Variants in ARHGEF3 observed in about 807,000 individuals in gnomAD.
ARHGEF3 encodes the protein 59.8 kDA protein.
In ARHGEF3, 28 loss-of-function variants were observed where a neutral mutation model predicts 63.2. The observed-to-expected ratio is 0.44, with a 90% CI of 0.33 to 0.61. The LOEUF (loss-of-function observed/expected upper bound fraction) is 0.61. ARHGEF3 is among the 20% of genes least tolerant of loss of function. ARHGEF3 has a pLI of 0.03. For synonymous variants in ARHGEF3, 266 were observed against 254.2 expected (o/e 1.05, Z -0.44); for missense variants, 533 against 659.3 (o/e 0.81, Z 2.10).
chr3:56,909,908 A>C (rs920127761), intron 3 of ARHGEF3, among the ~76,000 whole-genome samples: 1 of 152,160 alleles, frequency 6.6e-6, no homozygotes, highest in African/African-American at 2.4e-5. Flanking sequence ...TGAAAGAGAC[A>C]GTGTACCAAC....
chr3:56,817,885 G>A (rs563261702), intron 4 of ARHGEF3, among the ~76,000 whole-genome samples: 1 of 152,318 alleles, frequency 6.6e-6, no homozygotes, highest in African/African-American at 2.4e-5. Context: ...CACACCATGG[G>A]CAAGTGGCTT....
At chr3:56,771,873 T>A (rs1203948614) in intron 2 of ARHGEF3, among the ~76,000 whole-genome samples, 2 of 151,978 alleles carry the variant, frequency 1.3e-5, no homozygotes, top group Non-Finnish European at 2.9e-5. Context: ...GAGGAAAGGG[T>A]GAAATGCAGT....
intron 1 of ARHGEF3, among the ~76,000 whole-genome samples, chr3:56,776,450 G>A (rs184748090): frequency 6.6e-5 from 10 of 152,300 alleles, no homozygotes; most frequent in Non-Finnish European, 1.3e-4. Context: ...GTAAGCAGGT[G>A]CAATTTCAAA....
chr3:57,000,780 G>A (rs1395678518), intron 2 of ARHGEF3, among the ~76,000 whole-genome samples: 8 of 152,070 alleles, frequency 5.3e-5, no homozygotes, highest in Admixed American at 3.9e-4. Context: ...TGATCCACCC[G>A]ACTCAGCCTC....
chr3:56,737,055 C>G (rs1463970120), intron 8 of ARHGEF3, 130 bp downstream of exon 8: 1 of 1,078,128 alleles, frequency 9.3e-7, no homozygotes, highest in African/African-American at 1.6e-5. Context: ...GCCTGGGTGA[C>G]AAAGCGAGAC....
chr3:56,802,118 G>A (rs998847358), upstream of ARHGEF3, among the ~76,000 whole-genome samples: 6 of 152,176 alleles, frequency 3.9e-5, no homozygotes. Context: ...GGGTGGAGAG[G>A]GACCTCTCTC....
intron 4 of ARHGEF3, among the ~76,000 whole-genome samples, chr3:56,824,281 T>C (rs1396747330): frequency 7.2e-5 from 11 of 152,216 alleles, no homozygotes; most frequent in Admixed American, 7.2e-4. Flanking sequence ...AATGGAGATT[T>C]TGTTGTGGTG....
chr3:57,049,923 T>C (rs553939251), intron 1 of ARHGEF3, among the ~76,000 whole-genome samples: 1 of 152,232 alleles, frequency 6.6e-6, no homozygotes, highest in South Asian at 2.1e-4. Context: ...ATAGTGAGGG[T>C]CAGGGATTGA....
chr3:57,054,794 G>A (rs1320968271), intron 1 of ARHGEF3, among the ~76,000 whole-genome samples: 1 of 151,736 alleles, frequency 6.6e-6, no homozygotes, highest in Admixed American at 6.6e-5. Flanking sequence ...GGGATTATAG[G>A]CATACGCCAC....
At chr3:56,779,528 T>C (rs760611683) in intron 1 of ARHGEF3, among the ~76,000 whole-genome samples, 4 of 152,182 alleles carry the variant, frequency 2.6e-5, no homozygotes, top group African/African-American at 4.8e-5. Flanking sequence ...AGTCTCGCTC[T>C]GTCGCGCAGG....
At chr3:56,863,423 C>T (rs148315918) in intron 4 of ARHGEF3, among the ~76,000 whole-genome samples, 170 of 152,238 alleles carry the variant, frequency 1.1e-3, no homozygotes, top group African/African-American at 3.6e-3. Context: ...CCTCAGCCTC[C>T]GGAGGAGCTG....
chr3:56,863,543 A>G (rs966056235), intron 4 of ARHGEF3, among the ~76,000 whole-genome samples: 3 of 151,176 alleles, frequency 2.0e-5, no homozygotes, highest in African/African-American at 7.3e-5. Context: ...CAAGCAATCC[A>G]CCCGCCTTGG....
chr3:56,983,912 G>A (rs1278704320), intron 2 of ARHGEF3, among the ~76,000 whole-genome samples: 1 of 143,278 alleles, frequency 7.0e-6, no homozygotes, highest in Non-Finnish European at 1.5e-5. Context: ...CTCCAGCCTA[G>A]TGACAGAGCG....
In ARHGEF3 at chr3:56,768,111, C is replaced by T. The variant is rs952073935; in HGVS notation, c.204+5598G>A. ...TCAGTCTGTCACCCAGGCTGGAGTA[C>T]AGTGGCGCAATCTCTGCTCGCTGTG... On this transcript the variant is annotated intron_variant, in intron 2 of 9. Transcript: ENST00000296315. Among the ~76,000 whole-genome samples, 3 of 152,088 alleles carry T rather than the reference C, an allele frequency of 2.0e-5. No homozygotes were observed. The East Asian group carries it at 5.8e-4, about 29-fold the overall frequency.
Position 56,895,082 on chromosome 3 carries a change from ACCTC to A in ARHGEF3, c.130-12732_130-12729del, listed in dbSNP as rs200390166. Among the ~76,000 whole-genome samples the A allele has an allele frequency of 3.2e-3, 485 of 151,416 alleles. 3 individuals are homozygous for A. Among genetic ancestry groups the A allele is most frequent in the African/African-American group, 0.011 (468 of 41,230 alleles). ...TGTCCCTGGTGTTTAGGGGCCCTCT[ACCTC>A]CCTCCCTCCCTCCCTGTAATTTGGG... On this transcript the variant is annotated intron_variant, in intron 3 of 12. Transcript: ENST00000338458.
chr3:56,804,045 C>T (rs1036832366), upstream of ARHGEF3, among the ~76,000 whole-genome samples: 2 of 151,802 alleles, frequency 1.3e-5, no homozygotes, highest in Admixed American at 6.6e-5. Context: ...CCAGTGTGCC[C>T]AGCTAATTTT....
intron 2 of ARHGEF3, among the ~76,000 whole-genome samples, chr3:57,013,812 A>T (rs942851485): frequency 6.6e-6 from 1 of 152,188 alleles, no homozygotes; most frequent in African/African-American, 2.4e-5. Flanking sequence ...AAAACGGACC[A>T]ATCAGCTCTC....
chr3:56,966,271 T>A (rs896697124), intron 2 of ARHGEF3, among the ~76,000 whole-genome samples: 2 of 152,104 alleles, frequency 1.3e-5, no homozygotes, highest in South Asian at 2.1e-4. Context: ...GGTACAGAGA[T>A]GAATGCTATA....
upstream of ARHGEF3, among the ~76,000 whole-genome samples, chr3:56,802,574 C>T (rs116000098): frequency 2.7e-3 from 414 of 152,246 alleles, 1 homozygote; most frequent in African/African-American, 9.4e-3. Flanking sequence ...ACATTTCCAC[C>T]ACCCCCGGAA....
Sources: gnomAD v4.1 joint callset for allele counts (sites outside exome capture counted in the v4.1 genomes callset) on GRCh38, gnomAD v4.1.1 for gene constraint, MANE v1.5 for transcripts, NCBI Gene and HGNC (gene_info 2026-07-23, HGNC 2026-07-21) for gene names.